The following UNC13C variants were observed in gnomAD, a reference collection of about 807,000 sequenced individuals.
UNC13C encodes unc-13 homolog C.
UNC13C carries 174 observed loss-of-function variants against 245.4 expected under a neutral mutation model. That is an observed-to-expected ratio of 0.71 (90% confidence interval 0.63 to 0.80). The LOEUF is 0.80. UNC13C is among the 30% of genes least tolerant of loss of function. The pLI is 0.00. For synonymous variants in UNC13C, 992 were observed against 895.1 expected, an observed-to-expected ratio of 1.11 and a Z score of -1.93; for missense variants, 2,829 against 2,602.9, an observed-to-expected ratio of 1.09 and a Z score of -1.89.
chr15:54,067,162 G>T (rs551357203), intron 2 of UNC13C, among the ~76,000 whole-genome samples: 23 of 152,122 alleles, frequency 1.5e-4, no homozygotes, highest in African/African-American at 5.5e-4. Flanking sequence ...AATCTTGGTT[G>T]AAGATTCCTG....
intron 19 of UNC13C, among the ~76,000 whole-genome samples, chr15:54,421,176 A>G (rs1453205572): frequency 5.3e-5 from 8 of 151,970 alleles, no homozygotes; most frequent in Non-Finnish European, 8.8e-5. Context: ...TTGCAATTGA[A>G]TGGAAGAGCC....
the UNC13C span, among the ~76,000 whole-genome samples, chr15:53,924,353 A>G: frequency 6.6e-6 from 1 of 152,224 alleles, no homozygotes; most frequent in Admixed American, 6.5e-5. Context: ...TTTGAGATTC[A>G]GCTCTTCATT....
chr15:54,537,445 C>G (rs1235878244), intron 26 of UNC13C, among the ~76,000 whole-genome samples: 1 of 151,822 alleles, frequency 6.6e-6, no homozygotes, highest in Non-Finnish European at 1.5e-5. Context: ...TCCTATCAAA[C>G]TACCAGCAAT....
At chr15:53,922,330 C>T in the UNC13C span, among the ~76,000 whole-genome samples, 3 of 152,198 alleles carry the variant, frequency 2.0e-5, no homozygotes, top group East Asian at 3.9e-4. Context: ...GATGTTTAAT[C>T]GATATTAATA....
intron 1 of UNC13C, among the ~76,000 whole-genome samples, chr15:53,987,597 G>A (rs1489202117): frequency 6.6e-6 from 1 of 151,914 alleles, no homozygotes; most frequent in Admixed American, 6.6e-5. Flanking sequence ...GTTACCTTTT[G>A]CTTACAGTAC....
chr15:54,229,361 T>C (rs534927010), intron 4 of UNC13C, among the ~76,000 whole-genome samples: 2 of 152,332 alleles, frequency 1.3e-5, no homozygotes, highest in Non-Finnish European at 2.9e-5. Flanking sequence ...AGGTGTTTTT[T>C]GGTGGATGCT....
chr15:53,969,331 C>T, the UNC13C span, among the ~76,000 whole-genome samples: 1 of 152,110 alleles, frequency 6.6e-6, no homozygotes, highest in Non-Finnish European at 1.5e-5. Flanking sequence ...GCATTCTATC[C>T]TCTAACTCAA....
At chr15:54,577,803 T>G (rs1194393211) in intron 30 of UNC13C, among the ~76,000 whole-genome samples, 1 of 152,182 alleles carries the variant, frequency 6.6e-6, no homozygotes, top group Non-Finnish European at 1.5e-5. Context: ...TTCCTCAAAT[T>G]CTGGTTTCCA....
chr15:53,884,852 T>C, the UNC13C span, among the ~76,000 whole-genome samples: 2 of 152,152 alleles, frequency 1.3e-5, no homozygotes, highest in Non-Finnish European at 2.9e-5. Flanking sequence ...CTTCTCCTCC[T>C]ACCAAATGCC....
chr15:53,929,308 A>G, the UNC13C span, among the ~76,000 whole-genome samples: 2 of 152,178 alleles, frequency 1.3e-5, no homozygotes, highest in African/African-American at 4.8e-5. Context: ...TGTGAGAAAT[A>G]TGGGAGCTAC....
chr15:54,455,523 CTT>C (rs376576049), intron 19 of UNC13C, among the ~76,000 whole-genome samples: 56 of 126,842 alleles, frequency 4.4e-4, no homozygotes, highest in Admixed American at 4.0e-4. Context: ...CCAACATCTG[CTT>C]TTTTTTTTTT....
intron 14 of UNC13C, among the ~76,000 whole-genome samples, chr15:54,323,122 C>T (rs117608955): frequency 0.012 from 1,852 of 151,240 alleles, 14 homozygotes; most frequent in Non-Finnish European, 0.017. Flanking sequence ...ATTTTTGTTA[C>T]AGAGTATATT....
chr15:54,619,826 TAAGG>T (rs564351964), intron 30 of UNC13C, among the ~76,000 whole-genome samples: 24 of 152,282 alleles, frequency 1.6e-4, no homozygotes, highest in Non-Finnish European at 3.1e-4. Context: ...GGCATTCTGT[TAAGG>T]AGAAAAATCT....
chr15:54,090,940 A>C (rs1899535571), intron 2 of UNC13C, among the ~76,000 whole-genome samples: 1 of 151,924 alleles, frequency 6.6e-6, no homozygotes, highest in South Asian at 2.1e-4. Context: ...AGGACTAAGA[A>C]GAATTTGAGG....
the UNC13C span, among the ~76,000 whole-genome samples, chr15:53,897,034 G>C: frequency 6.8e-6 from 1 of 146,742 alleles, no homozygotes; most frequent in Non-Finnish European, 1.5e-5. Context: ...CACTGACAGA[G>C]TCCAGCCTCC....
At chr15:54,038,122 ATATTTT>A (rs1217156735) in intron 2 of UNC13C, among the ~76,000 whole-genome samples, 13 of 50,252 alleles carry the variant, frequency 2.6e-4, no homozygotes, top group Non-Finnish European at 3.5e-4. Flanking sequence ...ATATATATAT[ATATTTT>A]TTTTTTTTTT....
chr15:54,525,085 T>C (rs1895387229), intron 24 of UNC13C, among the ~76,000 whole-genome samples: 1 of 152,156 alleles, frequency 6.6e-6, no homozygotes, highest in African/African-American at 2.4e-5. Flanking sequence ...CACCTTTAAA[T>C]AATGCACAAC....
In UNC13C at chr15:54,235,082, A is replaced by G. The variant is rs1839453216; in HGVS notation, c.3124A>G (p.Lys1042Glu). ...IDSMPDLRRK[K>E]TLPIVRDVAM... ...CAGCATGCCGGATCTTCGCAGAAAA[A>G]AAACTTTGCCTATTGTCCGAGATGT... The change falls in exon 5 of 33, where the codon AAA (lysine) becomes GAA (glutamate). Residue 1042 changes from lysine (K) to glutamate (E), a missense_variant. By Grantham distance (56) the Lys-to-Glu change is moderately conservative. Coordinates refer to ENST00000260323, the MANE Select transcript of UNC13C (RefSeq NM_001080534.3). 1 of 1,613,820 alleles carries G rather than the reference A, an allele frequency of 6.2e-7. No homozygotes were observed. Among genetic ancestry groups the G allele is most frequent in the African/African-American group, 1.3e-5 (1 of 74,908 alleles).
intron 2 of UNC13C, among the ~76,000 whole-genome samples, chr15:54,139,819 CCTTT>C (rs1354394608): frequency 2.0e-5 from 3 of 151,976 alleles, no homozygotes; most frequent in Admixed American, 6.6e-5. Flanking sequence ...TGTCTTTCTT[CCTTT>C]AACTATTCTA....
Sources: allele counts gnomAD v4.1 joint callset (sites outside exome capture counted in the v4.1 genomes callset), GRCh38; gene constraint gnomAD v4.1.1; transcripts MANE v1.5; gene names NCBI Gene and HGNC (gene_info 2026-07-23, HGNC 2026-07-21).